The following DYDC1 variants were observed in gnomAD, a reference collection of about 807,000 sequenced individuals.
The protein encoded by DYDC1 is DPY30 domain-containing protein 1.
DYDC1 carries 21 observed loss-of-function variants against 27.9 expected under a neutral mutation model. That is an observed-to-expected ratio of 0.75 (90% CI 0.53 to 1.08). The LOEUF (loss-of-function observed/expected upper bound fraction) is 1.08, where lower values mean the gene tolerates loss of function less well. Among genes scored for constraint, DYDC1 ranks in the 50% least tolerant of loss-of-function variants. The pLI, the probability that DYDC1 is intolerant of heterozygous loss-of-function variation, is 0.00. For missense variants in DYDC1, 202 were observed against 205.9 expected, an observed-to-expected ratio of 0.98 and a Z score of 0.12; for synonymous variants, 67 against 65.8, an observed-to-expected ratio of 1.02 and a Z score of -0.09.
intron 3 of DYDC1, among the ~76,000 whole-genome samples, chr10:80,350,240 T>C (rs181164148): frequency 6.6e-6 from 1 of 152,340 alleles, no homozygotes; most frequent in Non-Finnish European, 1.5e-5. Flanking sequence ...CAACATAATA[T>C]GGCTAGAGAA....
intron 4 of DYDC1, 137 bp downstream of exon 4, chr10:80,342,132 G>A (rs1842349117): frequency 1.3e-6 from 1 of 742,186 alleles, no homozygotes; most frequent in Non-Finnish European, 2.1e-6. Context: ...TATGAGACTT[G>A]TTTAGCTTAC....
chr10:80,346,057 A>G (rs1842603131), intron 3 of DYDC1, among the ~76,000 whole-genome samples: 1 of 152,170 alleles, frequency 6.6e-6, no homozygotes, highest in Non-Finnish European at 1.5e-5. Flanking sequence ...TATGTTGCCC[A>G]AGCTGGTCTC....
intron 3 of DYDC1, among the ~76,000 whole-genome samples, chr10:80,350,041 CCTCT>C (rs1842892553): frequency 6.6e-6 from 1 of 152,022 alleles, no homozygotes; most frequent in Non-Finnish European, 1.5e-5. Context: ...CACCCAGAGG[CCTCT>C]CTGTTTTTCT....
At position 80,343,974 on chromosome 10, in the gene DYDC1, C is replaced by T. The variant is rs559360871; in HGVS notation, c.250-1613G>A. Among the ~76,000 whole-genome samples, 9 of 151,956 alleles carry T rather than the reference C, an allele frequency of 5.9e-5. No individual in the cohort carries two copies. The South Asian group carries it at 6.2e-4, about 11-fold the overall frequency. ...CTACTAAAAATACCAAAAAAAATTACGCGTGGTAGCAGGTGCCTGTAGTCT... is the reference window on the plus strand; with the variant it reads ...CTACTAAAAATACCAAAAAAAATTATGCGTGGTAGCAGGTGCCTGTAGTCT... On this transcript the variant is annotated intron_variant, in intron 3 of 6. Transcript: ENST00000372202.
chr10:80,347,114 G>C (rs1025652019), intron 3 of DYDC1, among the ~76,000 whole-genome samples: 1 of 151,728 alleles, frequency 6.6e-6, no homozygotes, highest in Non-Finnish European at 1.5e-5. Context: ...CATCCTAATA[G>C]GGGCGAGGTG....
chr10:80,342,417 TTTA>T, intron 3 of DYDC1, 56 bp from the exon 4 acceptor site: 1 of 1,546,004 alleles, frequency 6.5e-7, no homozygotes, highest in Admixed American at 1.7e-5. Context: ...GATAATTAAG[TTTA>T]TACCCACCTT....
intron 3 of DYDC1, among the ~76,000 whole-genome samples, chr10:80,346,440 C>CTCTCT (rs1842627982): frequency 1.1e-5 from 1 of 92,416 alleles, no homozygotes; most frequent in Admixed American, 1.1e-4. Context: ...TGTCTCTTCC[C>CTCTCT]TTTCTTTTTT....
chr10:80,352,888 T>A (rs1029436950), intron 1 of DYDC1, among the ~76,000 whole-genome samples: 2 of 152,216 alleles, frequency 1.3e-5, no homozygotes, highest in African/African-American at 4.8e-5. Context: ...ATTCCAAGTT[T>A]ACTTGATGCC....
Position 80,339,084 on chromosome 10 carries a change from T to C in DYDC1, c.399+13A>G, listed in dbSNP as rs1489938750. Reference sequence around the variant, plus strand: ...TTCATTTCACATAACATAGAATGACTTTTTCTTCTCACCTCTGAATGTAGA... The same window carrying C: ...TTCATTTCACATAACATAGAATGACCTTTTCTTCTCACCTCTGAATGTAGA... On this transcript the variant is annotated intron_variant, in intron 5 of 6. Coordinates refer to ENST00000372202, the MANE Select transcript of DYDC1 (RefSeq NM_001269053.2). 2 of 1,374,842 alleles carry C rather than the reference T, an allele frequency of 1.5e-6. No individual in the cohort carries two copies. The highest frequency in any genetic ancestry group is 2.0e-6 in the Non-Finnish European group (2 of 1,018,256). The allele number at this position is 1,374,842 out of a possible 1,614,324, so 85.2% of individuals were successfully genotyped here.
chr10:80,355,045 T>TA (rs200280665), intron 1 of DYDC1, among the ~76,000 whole-genome samples: 10,407 of 143,856 alleles, frequency 0.072, 350 homozygotes, highest in Middle Eastern at 0.11. Flanking sequence ...GTCAGGAAAG[T>TA]AAAAAAAAAG....
At chr10:80,336,565 G>A (rs1220910227) in intron 6 of DYDC1, among the ~76,000 whole-genome samples, 5 of 152,212 alleles carry the variant, frequency 3.3e-5, no homozygotes, top group South Asian at 2.1e-4. Flanking sequence ...GCCCATGACT[G>A]CTGAATTTAT....
At chr10:80,337,561 G>A in intron 6 of DYDC1, 1 of 439,464 alleles carries the variant, frequency 2.3e-6, no homozygotes. Context: ...CTGCCTTCAG[G>A]ATAAAATCTA....
chr10:80,352,372 T>C (rs1250518022), intron 2 of DYDC1, 83 bp downstream of exon 2: 21 of 1,382,930 alleles, frequency 1.5e-5, no homozygotes, highest in Middle Eastern at 2.3e-4. Flanking sequence ...AACAGAAAAA[T>C]AATAATGTTA....
At chr10:80,348,682 T>TCAAC (rs1489681241) in intron 3 of DYDC1, among the ~76,000 whole-genome samples, 3 of 152,162 alleles carry the variant, frequency 2.0e-5, no homozygotes, top group African/African-American at 7.2e-5. Context: ...CCATCAACCT[T>TCAAC]CAGTTGGAAG....
intron 3 of DYDC1, chr10:80,344,796 C>T (rs1284842055): frequency 2.0e-5 from 6 of 298,486 alleles, no homozygotes; most frequent in Non-Finnish European, 3.9e-5. Context: ...ATTCTGAGAC[C>T]TCCCCAGCAA....
At chr10:80,340,049 A>C (rs971589276) in intron 4 of DYDC1, among the ~76,000 whole-genome samples, 2 of 152,206 alleles carry the variant, frequency 1.3e-5, no homozygotes, top group African/African-American at 4.8e-5. Context: ...AGATGGTAGA[A>C]GCCACAACAT....
At chr10:80,338,197 T>G (rs1264000133) in intron 6 of DYDC1, 2 of 985,312 alleles carry the variant, frequency 2.0e-6, no homozygotes, top group East Asian at 2.3e-4. Flanking sequence ...ATTATATATT[T>G]CACAAAATGA....
intron 2 of DYDC1, among the ~76,000 whole-genome samples, chr10:80,352,219 C>T (rs544192316): frequency 6.6e-6 from 1 of 152,100 alleles, no homozygotes; most frequent in African/African-American, 2.4e-5. Context: ...AGTACATAAA[C>T]GTAAATCTAT....
chr10:80,350,154 C>T (rs1842900970), intron 3 of DYDC1, among the ~76,000 whole-genome samples: 1 of 152,142 alleles, frequency 6.6e-6, no homozygotes, highest in African/African-American at 2.4e-5. Flanking sequence ...ATAACATCTC[C>T]TGTATAATAT....
Sources: allele counts gnomAD v4.1 joint callset (sites outside exome capture counted in the v4.1 genomes callset), GRCh38; gene constraint gnomAD v4.1.1; transcripts MANE v1.5; gene names NCBI Gene and HGNC (gene_info 2026-07-23, HGNC 2026-07-21).